The following DLC1 variants were observed in gnomAD, a reference collection of about 807,000 sequenced individuals.
The protein encoded by DLC1 is DLC1 Rho GTPase activating protein, also known as rho GTPase-activating protein 7.
DLC1 carries 54 observed loss-of-function variants against 140.3 expected under a neutral mutation model. The ratio of observed to expected loss-of-function variants is 0.38; its 90% confidence interval spans 0.31 to 0.48. The LOEUF is 0.48. Among genes scored for constraint, DLC1 ranks in the 20% least tolerant of loss-of-function variants. The pLI, the probability that DLC1 is intolerant of heterozygous loss-of-function variation, is 0.96. For missense variants in DLC1, 2,536 were observed against 1,907.0 expected, an observed-to-expected ratio of 1.33 and a Z score of -6.14; for synonymous variants, 986 against 728.1, an observed-to-expected ratio of 1.35 and a Z score of -5.70.
chr8:13,580,564 C>T (rs980046309), intron 1 of DLC1, among the ~76,000 whole-genome samples: 2 of 152,152 alleles, frequency 1.3e-5, no homozygotes, highest in East Asian at 1.9e-4. Flanking sequence ...GCTCACTGTG[C>T]CCATCCCTGA....
chr8:13,133,804 G>C (rs546537105), intron 5 of DLC1, among the ~76,000 whole-genome samples: 13 of 152,188 alleles, frequency 8.5e-5, no homozygotes, highest in South Asian at 8.3e-4. Context: ...TTGCGGGAAC[G>C]GAGGGGAAGC....
chr8:13,170,282 A>G (rs1349549916), intron 5 of DLC1, among the ~76,000 whole-genome samples: 1 of 152,206 alleles, frequency 6.6e-6, no homozygotes, highest in South Asian at 2.1e-4. Context: ...CAGTAATTAC[A>G]ATAGAACTCT....
At chr8:13,188,872 G>A in intron 5 of DLC1, among the ~76,000 whole-genome samples, 1 of 92,774 alleles carries the variant, frequency 1.1e-5, no homozygotes, top group Non-Finnish European at 2.1e-5. Context: ...TTTTTTTTTA[G>A]TGGAGATGAA....
At chr8:13,174,902 A>G (rs926932679) in intron 5 of DLC1, among the ~76,000 whole-genome samples, 3 of 151,872 alleles carry the variant, frequency 2.0e-5, no homozygotes, top group Middle Eastern at 3.2e-3. Flanking sequence ...GTTGCAATTG[A>G]TTTTGAGGAC....
intron 4 of DLC1, among the ~76,000 whole-genome samples, chr8:13,318,095 A>G (rs573039666): frequency 6.6e-6 from 1 of 152,100 alleles, no homozygotes; most frequent in African/African-American, 2.4e-5. Context: ...TGGTATGATC[A>G]TAGCTCACTG....
intron 2 of DLC1, among the ~76,000 whole-genome samples, chr8:13,481,684 T>C (rs1800744778): frequency 6.6e-6 from 1 of 152,182 alleles, no homozygotes. Context: ...AAGCACTGGT[T>C]ATAGGTTGAA....
At chr8:13,597,249 A>G (rs952567150) in intron 1 of DLC1, among the ~76,000 whole-genome samples, 1 of 152,020 alleles carries the variant, frequency 6.6e-6, no homozygotes, top group African/African-American at 2.4e-5. Context: ...TTGTCAGCTT[A>G]TATCTCACAT....
chr8:13,414,613 C>G (rs997622414), intron 2 of DLC1, among the ~76,000 whole-genome samples: 1 of 152,102 alleles, frequency 6.6e-6, no homozygotes, highest in Non-Finnish European at 1.5e-5. Context: ...CTGACATTTT[C>G]TAAGAAGTGA....
At chr8:13,397,333 C>T (rs950643868) in intron 3 of DLC1, among the ~76,000 whole-genome samples, 1 of 151,870 alleles carries the variant, frequency 6.6e-6, no homozygotes, top group African/African-American at 2.4e-5. Context: ...GGAAGAGGAG[C>T]CACTGAAGGG....
rs1325519057 is a variant in DLC1, at chr8:13,579,372, A to T, written c.-126+25165T>A. The stretch of plus-strand genomic sequence containing the variant: ...ATATATATATATATATTTTTATATA[A>T]TACATATTTATATATTATATATTAT... On this transcript the variant is annotated intron_variant, in intron 1 of 1. Transcript: ENST00000631382. Among the ~76,000 whole-genome samples the T allele has an allele frequency of 7.8e-3, 438 of 56,364 alleles. 97 individuals carry two copies. Among genetic ancestry groups the T allele is most frequent in the Middle Eastern group, 0.029 (2 of 70 alleles). 37.0% of individuals were successfully genotyped at this position (56,364 alleles called of 152,430 possible).
chr8:13,206,809 T>G (rs904837875), intron 5 of DLC1, among the ~76,000 whole-genome samples: 1 of 151,880 alleles, frequency 6.6e-6, no homozygotes, highest in African/African-American at 2.4e-5. Flanking sequence ...CATACAGAGG[T>G]TTGCTGGTTA....
intron 5 of DLC1, among the ~76,000 whole-genome samples, chr8:13,116,656 C>T (rs143191436): frequency 1.4e-4 from 21 of 152,246 alleles, no homozygotes; most frequent in African/African-American, 4.3e-4. Flanking sequence ...TGTCTAGTAA[C>T]TTTATGTTTT....
intron 2 of DLC1, among the ~76,000 whole-genome samples, chr8:13,490,410 A>G (rs1801180159): frequency 6.6e-6 from 1 of 152,188 alleles, no homozygotes; most frequent in Admixed American, 6.5e-5. Context: ...ACGGTTAGAA[A>G]ATTATCTGTA....
rs1228269023 is a variant in DLC1 at position 13,582,914 on chromosome 8, A to G, written c.-126+21623T>C. ...TATATATATATATATATATATATAT[A>G]TATATGTGGTGTAATAGCATTATGT... On this transcript the variant is annotated intron_variant, in intron 1 of 1. Coordinates refer to the DLC1 transcript ENST00000631382. 2.4e-5 allele frequency among the ~76,000 whole-genome samples: 3 copies of G among 123,006 alleles called. No individual in the cohort carries two copies. In the Admixed American group the frequency reaches 2.4e-4, roughly 10 times the overall value. The allele number at this position is 123,006 out of a possible 152,430, so 80.7% of individuals were successfully genotyped here.
intron 5 of DLC1, among the ~76,000 whole-genome samples, chr8:13,207,609 A>G (rs1029714315): frequency 1.3e-5 from 2 of 152,010 alleles, no homozygotes; most frequent in African/African-American, 4.8e-5. Flanking sequence ...ACATTTTTTC[A>G]TGGTTGCTTT....
rs115392708 is a variant in DLC1, at chr8:13,271,888, G to T, written c.1348+33381C>A. On this transcript the variant is annotated intron_variant, in intron 5 of 17. Coordinates refer to ENST00000276297, the MANE Select transcript of DLC1 (RefSeq NM_182643.3). ...GACAAGGTCTTGCTCTGTTACCCAGGCTGGTCTTGGGTTCCAGGCCTCAAG... is the reference window on the plus strand; with the variant it reads ...GACAAGGTCTTGCTCTGTTACCCAGTCTGGTCTTGGGTTCCAGGCCTCAAG... 3.3e-3 allele frequency among the ~76,000 whole-genome samples: 504 copies of T among 152,292 alleles called. 4 individuals are homozygous for T. The highest frequency in any genetic ancestry group is 0.011 in the African/African-American group (473 of 41,558).
At chr8:13,102,887 G>C in intron 7 of DLC1, 34 bp from the exon 8 acceptor site, 1 of 1,587,510 alleles carries the variant, frequency 6.3e-7, no homozygotes, top group South Asian at 1.1e-5. Context: ...AGCAAAGATA[G>C]GCAACCACTC....
chr8:13,408,447 A>G (rs914841990), intron 2 of DLC1, among the ~76,000 whole-genome samples: 11 of 152,218 alleles, frequency 7.2e-5, no homozygotes, highest in African/African-American at 2.2e-4. Context: ...TTAAACTCCA[A>G]CTAGGCTTCA....
chr8:13,540,385 C>T (rs1803442213), intron 1 of DLC1, among the ~76,000 whole-genome samples: 1 of 152,026 alleles, frequency 6.6e-6, no homozygotes, highest in Admixed American at 6.6e-5. Flanking sequence ...AATTTTAATC[C>T]TTCTTAATGG....
Sources: gnomAD v4.1 joint callset for allele counts (sites outside exome capture counted in the v4.1 genomes callset) on GRCh38, gnomAD v4.1.1 for gene constraint, MANE v1.5 for transcripts, NCBI Gene and HGNC (gene_info 2026-07-23, HGNC 2026-07-21) for gene names.